The following RALGPS1 variants were observed in gnomAD, a reference collection of about 807,000 sequenced individuals.
RALGPS1 encodes the protein Ral GEF with PH domain and SH3 binding motif 1.
Under a neutral mutation model 78.8 loss-of-function variants are expected in RALGPS1, and 19 were observed. That is an observed-to-expected ratio of 0.24 (90% CI 0.17 to 0.35). The LOEUF is 0.35. RALGPS1 is among the 10% of genes least tolerant of loss of function. RALGPS1 has a pLI of 1.00. For missense variants in RALGPS1, 454 were observed against 688.3 expected (o/e 0.66, Z 3.81); for synonymous variants, 228 against 256.3 (o/e 0.89, Z 1.06).
At chr9:127,188,997 CAAAAAAAAAAAAAAAA>C (rs543909572) in intron 11 of RALGPS1, among the ~76,000 whole-genome samples, 7 of 56,816 alleles carry the variant, frequency 1.2e-4, no homozygotes, top group South Asian at 1.1e-3. Flanking sequence ...AAGACTGTCT[CAAAAAAAAAAAAAAAA>C]AAAAAAAAAA....
At chr9:126,958,158 T>TATATATATATATATACAC (rs1345241110) in intron 1 of RALGPS1, among the ~76,000 whole-genome samples, 7 of 121,066 alleles carry the variant, frequency 5.8e-5, no homozygotes, top group Admixed American at 1.8e-4. Context: ...TATATATATA[T>TATATATATATATATACAC]ACACACACAC....
At chr9:127,089,041 G>T (rs755576176) in intron 8 of RALGPS1, 2 of 1,614,210 alleles carry the variant, frequency 1.2e-6, no homozygotes, top group South Asian at 1.1e-5. Context: ...CCTGGTAGCG[G>T]CTCCGGTAAT....
intron 3 of RALGPS1, among the ~76,000 whole-genome samples, chr9:126,970,743 A>C (rs2040029120): frequency 6.6e-6 from 1 of 152,244 alleles, no homozygotes; most frequent in South Asian, 2.1e-4. Flanking sequence ...ACTCTGAACC[A>C]TATTGCCCTG....
chr9:126,984,249 A>G (rs754131585), intron 4 of RALGPS1, among the ~76,000 whole-genome samples: 14 of 152,070 alleles, frequency 9.2e-5, no homozygotes, highest in African/African-American at 3.1e-4. Context: ...GACTACAGAC[A>G]TGTGCCACCA....
intron 8 of RALGPS1, chr9:127,093,830 AC>A (rs2052778461): frequency 6.2e-7 from 1 of 1,613,926 alleles, no homozygotes; most frequent in Non-Finnish European, 8.5e-7. Flanking sequence ...GTCGCACCAC[AC>A]CTGCATGAGG....
At chr9:127,197,936 T>C (rs1414137956) in intron 13 of RALGPS1, among the ~76,000 whole-genome samples, 1 of 152,196 alleles carries the variant, frequency 6.6e-6, no homozygotes, top group Non-Finnish European at 1.5e-5. Flanking sequence ...TTCTGAGGAA[T>C]GCCCTCTGGG....
chr9:127,214,723 C>A (rs780950822), intron 17 of RALGPS1, 28 bp from the exon 18 acceptor site: 77 of 1,594,660 alleles, frequency 4.8e-5, no homozygotes, highest in Non-Finnish European at 6.0e-5. Context: ...TGGCCCTCTT[C>A]TTAACTCATG....
intron 11 of RALGPS1, among the ~76,000 whole-genome samples, chr9:127,190,863 A>G (rs2060989882): frequency 6.6e-6 from 1 of 152,200 alleles, no homozygotes; most frequent in Admixed American, 6.5e-5. Context: ...CCCAAACTAG[A>G]GTTCCTGTTC....
chr9:127,011,777 G>A (rs1241981146), intron 4 of RALGPS1, among the ~76,000 whole-genome samples: 3 of 152,204 alleles, frequency 2.0e-5, no homozygotes, highest in Non-Finnish European at 4.4e-5. Context: ...AAATTGGTTT[G>A]TATGTAACAG....
Position 127,134,198 on chromosome 9 carries a change from C to G in RALGPS1, c.611-31871C>G, listed in dbSNP as rs866205587. The stretch of plus-strand genomic sequence containing the variant: ...TCTCCTCCTTTGTTTTTTTAAAGAC[C>G]CACAGTCTCTTTTGGTTGCTACACT... On this transcript the variant is annotated intron_variant, in intron 8 of 18. Transcript: ENST00000259351. Among the ~76,000 whole-genome samples the G allele has an allele frequency of 1.1e-4, 16 of 152,178 alleles. No homozygotes were observed. In the South Asian group the frequency reaches 1.5e-3, roughly 14 times the overall value.
chr9:127,172,953 G>T (rs1335011987), intron 10 of RALGPS1, among the ~76,000 whole-genome samples: 2 of 152,128 alleles, frequency 1.3e-5, no homozygotes, highest in Admixed American at 1.3e-4. Context: ...CATTTGAGAA[G>T]CTCTGTCTGG....
intron 1 of RALGPS1, among the ~76,000 whole-genome samples, chr9:126,952,556 A>G (rs2037923007): frequency 6.6e-6 from 1 of 152,150 alleles, no homozygotes; most frequent in Non-Finnish European, 1.5e-5. Context: ...CAGGAGGTCC[A>G]GACCCAGAGT....
At chr9:127,049,612 G>C (rs1448341538) in intron 5 of RALGPS1, among the ~76,000 whole-genome samples, 2 of 152,142 alleles carry the variant, frequency 1.3e-5, no homozygotes, top group Non-Finnish European at 2.9e-5. Context: ...CCTCACAAGT[G>C]TTCCTACCAA....
intron 4 of RALGPS1, among the ~76,000 whole-genome samples, chr9:127,028,902 C>T (rs929617309): frequency 1.1e-4 from 16 of 152,070 alleles, no homozygotes; most frequent in Admixed American, 9.2e-4. Flanking sequence ...CTACTACATG[C>T]TGTGGCCTCT....
intron 8 of RALGPS1, among the ~76,000 whole-genome samples, chr9:127,136,568 A>G (rs1199766507): frequency 1.3e-5 from 2 of 151,982 alleles, no homozygotes; most frequent in African/African-American, 4.8e-5. Context: ...GTCCAGGTCT[A>G]TGGAACAGCA....
At chr9:126,964,720 A>G (rs1056525234) in intron 2 of RALGPS1, among the ~76,000 whole-genome samples, 1 of 151,210 alleles carries the variant, frequency 6.6e-6, no homozygotes, top group Admixed American at 6.6e-5. Flanking sequence ...ACACAGGCCT[A>G]TCGAAATCTG....
rs140507856 is a variant in RALGPS1 at position 127,091,828 on chromosome 9, C to A, written c.610+22472C>A. On this transcript the variant is annotated intron_variant, in intron 8 of 18. Transcript: ENST00000259351. This position sits in a 1 kb window ranked among gnomAD's most constrained non-coding sequence, Gnocchi z 4.3. ...ACTGGCGTATTCTGCAAAGACTTTG[C>A]GGCCGGACCAGTCCTCCATGGTCAC... is the stretch of plus-strand genomic sequence containing the variant. The A allele has an allele frequency of 1.2e-6, 2 of 1,614,188 alleles. No homozygotes were observed. The highest frequency in any genetic ancestry group is 1.7e-6 in the Non-Finnish European group (2 of 1,180,030).
In RALGPS1 at chr9:127,052,914, T is replaced by C. The variant is rs752613882; in HGVS notation, c.458T>C (p.Ile153Thr). 2 of 1,607,454 alleles carry C rather than the reference T, an allele frequency of 1.2e-6. No individual in the cohort carries two copies. Among genetic ancestry groups the C allele is most frequent in the African/African-American group, 2.7e-5 (2 of 74,856 alleles). Residue 153 changes from isoleucine to threonine, a missense_variant, in exon 7 of 19, where the codon ATC (isoleucine) becomes ACC (threonine). Ile to Thr is a moderately conservative substitution (Grantham distance 89). Transcript: ENST00000259351. ...SVVSALQSAP[I>T]FRLTKTWALL... ...GTATCAGCATTACAAAGTGCTCCCA[T>C]CTTCAGGCTGACAAAAACCTGGGCT...
intron 7 of RALGPS1, among the ~76,000 whole-genome samples, chr9:127,054,979 AAGAG>A (rs1157813676): frequency 7.2e-6 from 1 of 139,708 alleles, no homozygotes; most frequent in Non-Finnish European, 1.6e-5. Context: ...ATCTCTGAAA[AAGAG>A]AGAGAGATTG....
Sources: gnomAD v4.1 joint callset for allele counts (sites outside exome capture counted in the v4.1 genomes callset) on GRCh38, gnomAD v4.1.1 for gene constraint, Gnocchi (gnomAD v3.1) non-coding constraint, MANE v1.5 for transcripts, NCBI Gene and HGNC (gene_info 2026-07-23, HGNC 2026-07-21) for gene names.